USP32: variants seen among roughly 807,000 people sequenced by gnomAD.
The protein encoded by USP32 is ubiquitin specific peptidase 32, also known as ubiquitin carboxyl-terminal hydrolase 32.
A neutral mutation model predicts 204.8 loss-of-function variants in USP32; 59 were observed. The ratio of observed to expected loss-of-function variants is 0.29; its 90% CI spans 0.23 to 0.36. The LOEUF is 0.36. Among genes scored for constraint, USP32 ranks in the 10% least tolerant of loss-of-function variants. USP32 has a pLI of 1.00. For missense variants in USP32, 1,160 were observed against 1,946.4 expected (o/e 0.60, Z 7.60); for synonymous variants, 517 against 678.4 (o/e 0.76, Z 3.70).
intron 1 of USP32, among the ~76,000 whole-genome samples, chr17:60,414,080 C>T (rs1171516884): frequency 1.3e-5 from 2 of 151,106 alleles, no homozygotes; most frequent in African/African-American, 4.9e-5. Context: ...AAGATGTTAT[C>T]GGCTGGGCGT....
At chr17:60,271,275 G>A (rs2086717959) in intron 6 of USP32, 75 bp downstream of exon 6, 8 of 1,539,660 alleles carry the variant, frequency 5.2e-6, no homozygotes, top group Non-Finnish European at 7.0e-6. Flanking sequence ...GAGTTAAAAT[G>A]TATTGGTTAC....
chr17:60,205,603 G>T lies in USP32; in HGVS notation c.3093C>A (p.Asp1031Glu). The T allele has an allele frequency of 6.2e-7, 1 of 1,613,954 alleles. No individual in the cohort carries two copies. The highest frequency in any genetic ancestry group is 8.5e-7 in the Non-Finnish European group (1 of 1,179,862). Reference protein sequence around the residue: ...NEMFTLTTNGDLPRPIFIPNG... With the variant: ...NEMFTLTTNGELPRPIFIPNG... The stretch of plus-strand genomic sequence containing the variant: ...TGGGGATGAATATTGGTCGGGGTAG[G>T]TCCCCATTGGTAGTTAGGGTGAACA... The change falls in exon 26 of 34, where the codon GAC (aspartate) becomes GAA (glutamate). Residue 1031 changes from aspartate (D) to glutamate (E), a missense_variant. Transcript: ENST00000300896.
At chr17:60,344,277 C>T (rs1213002324) in intron 2 of USP32, among the ~76,000 whole-genome samples, 3 of 150,272 alleles carry the variant, frequency 2.0e-5, no homozygotes, top group South Asian at 2.1e-4. Context: ...TACAGGCACC[C>T]GCCACTAAGC....
At chr17:60,380,697 A>G (rs2089632613) in intron 1 of USP32, among the ~76,000 whole-genome samples, 1 of 152,200 alleles carries the variant, frequency 6.6e-6, no homozygotes, top group Non-Finnish European at 1.5e-5. Flanking sequence ...TACATGGGAG[A>G]AAAAAAGCTC....
intron 1 of USP32, among the ~76,000 whole-genome samples, chr17:60,371,447 T>C (rs997050449): frequency 6.6e-6 from 1 of 151,482 alleles, no homozygotes; most frequent in Admixed American, 6.6e-5. Context: ...CACGCCTATA[T>C]AATCCCAGCT....
At chr17:60,341,876 T>TG (rs1432688140) in intron 2 of USP32, among the ~76,000 whole-genome samples, 8 of 152,208 alleles carry the variant, frequency 5.3e-5, no homozygotes, top group Non-Finnish European at 5.9e-5. Flanking sequence ...AGAAGTTTGT[T>TG]ATTACCAACC....
At position 60,181,630 on chromosome 17, in the gene USP32, A is replaced by C; in HGVS notation, c.4242T>G (p.Ile1414Met). 1.2e-6 allele frequency: 2 copies of C among 1,613,906 alleles called. No homozygotes were observed. The highest frequency in any genetic ancestry group is 1.7e-6 in the Non-Finnish European group (2 of 1,179,840). The change falls in exon 32 of 34, where the codon ATT becomes ATG. Residue 1414 changes from isoleucine to methionine, a missense_variant. This residue lies in a region of USP32 where 244 missense variants were observed against 342.3 expected (regional missense o/e 0.71). Transcript: ENST00000300896. Reference protein sequence around the residue: ...RSKGRLRLPQIGSKNKLSSSK... With the variant: ...RSKGRLRLPQMGSKNKLSSSK... Reference sequence around the variant, plus strand: ...TACTTGACAGTTTATTTTTGCTGCCAATCTGGGGCAGCCGGAGCCTCCCTT... The same window carrying C: ...TACTTGACAGTTTATTTTTGCTGCCCATCTGGGGCAGCCGGAGCCTCCCTT...
At chr17:60,327,958 AT>A in intron 2 of USP32, among the ~76,000 whole-genome samples, 1 of 152,340 alleles carries the variant, frequency 6.6e-6, no homozygotes, top group Non-Finnish European at 1.5e-5. Flanking sequence ...TCAAGGGGAG[AT>A]TAGTGCAGCT....
intron 1 of USP32, among the ~76,000 whole-genome samples, chr17:60,366,734 C>CA (rs1382506164): frequency 2.7e-5 from 4 of 147,314 alleles, no homozygotes; most frequent in Non-Finnish European, 4.5e-5. Context: ...GACATCGTCT[C>CA]AAAAAAAAGT....
Position 60,407,848 on chromosome 17 carries a change from A to G in USP32, c.106+14398T>C, listed in dbSNP as rs369658730. ...TGCAGTGGCTCACGCATGTAATTCC[A>G]GCACTTTGGGAGGCCAAGGCAGGCG... On this transcript the variant is annotated intron_variant, in intron 1 of 3. Coordinates refer to the USP32 transcript ENST00000588898. Among the ~76,000 whole-genome samples the G allele has an allele frequency of 1.3e-3, 190 of 151,036 alleles. 1 individual carries two copies. The highest frequency in any genetic ancestry group is 4.3e-3 in the African/African-American group (177 of 41,148).
At chr17:60,408,055 G>A (rs975295259) in intron 1 of USP32, among the ~76,000 whole-genome samples, 4 of 151,762 alleles carry the variant, frequency 2.6e-5, no homozygotes, top group Non-Finnish European at 4.4e-5. Flanking sequence ...CTGAGATGTC[G>A]CCACTGCACT....
chr17:60,387,288 A>G lies in USP32; in HGVS notation c.58+4594T>C, dbSNP rs988411486. The stretch of plus-strand genomic sequence containing the variant: ...TTAAAGCATCTTAGATTTGGTGGAT[A>G]AGCAAAATGAAAAGTACTGAATTAT... On this transcript the variant is annotated intron_variant, in intron 1 of 33. Transcript: ENST00000300896. 2.0e-5 allele frequency among the ~76,000 whole-genome samples: 3 copies of G among 152,344 alleles called. No individual in the cohort carries two copies. The East Asian group carries it at 5.8e-4, about 29-fold the overall frequency.
At chr17:60,317,470 C>T (rs1291914032) in intron 2 of USP32, among the ~76,000 whole-genome samples, 1 of 148,106 alleles carries the variant, frequency 6.8e-6, no homozygotes, top group East Asian at 2.0e-4. Flanking sequence ...GAACCATGAT[C>T]AAGCCACTGC....
chr17:60,261,576 G>A (rs1353709452), intron 9 of USP32, among the ~76,000 whole-genome samples: 7 of 151,960 alleles, frequency 4.6e-5, no homozygotes, highest in Non-Finnish European at 1.0e-4. Context: ...AACCCAGGAC[G>A]TAGAGGTTCC....
chr17:60,297,080 C>A (rs1200931399), intron 3 of USP32, among the ~76,000 whole-genome samples: 2 of 152,138 alleles, frequency 1.3e-5, no homozygotes, highest in African/African-American at 4.8e-5. Context: ...CCAGGCAAGG[C>A]ATTAAGTCAT....
At chr17:60,375,639 T>C (rs1218571914) in intron 1 of USP32, among the ~76,000 whole-genome samples, 1 of 152,260 alleles carries the variant, frequency 6.6e-6, no homozygotes, top group Non-Finnish European at 1.5e-5. Flanking sequence ...AGTCTCGCTC[T>C]GTCGCTCAGG....
intron 1 of USP32, among the ~76,000 whole-genome samples, chr17:60,378,045 G>A (rs188295803): frequency 1.3e-5 from 2 of 152,184 alleles, no homozygotes; most frequent in African/African-American, 4.8e-5. Flanking sequence ...TCATATATCT[G>A]ATGTGAGAAT....
chr17:60,278,256 A>C (rs997015077), intron 5 of USP32, among the ~76,000 whole-genome samples: 1 of 152,128 alleles, frequency 6.6e-6, no homozygotes, highest in African/African-American at 2.4e-5. Flanking sequence ...TTTAGTAAAA[A>C]CGTATTATAT....
chr17:60,338,235 G>A (rs977720974), intron 2 of USP32, among the ~76,000 whole-genome samples: 1 of 149,932 alleles, frequency 6.7e-6, no homozygotes, highest in Non-Finnish European at 1.5e-5. Flanking sequence ...AGAGGCAGGA[G>A]AATCTCTTGA....
Sources: allele counts gnomAD v4.1 joint callset (sites outside exome capture counted in the v4.1 genomes callset), GRCh38; gene constraint gnomAD v4.1.1; regional missense constraint gnomAD v4.1.1; transcripts MANE v1.5; gene names NCBI Gene and HGNC (gene_info 2026-07-23, HGNC 2026-07-21).